Variants in ETV1 observed in about 807,000 individuals in gnomAD.
ETV1 encodes the protein ETS translocation variant 1.
ETV1 carries 27 observed loss-of-function variants against 62.3 expected under a neutral mutation model. That is an observed-to-expected ratio of 0.43 (90% confidence interval 0.32 to 0.60). ETV1 has a LOEUF of 0.60. ETV1 is among the 20% of genes least tolerant of loss of function. ETV1 has a pLI of 0.06. For synonymous variants in ETV1, 222 were observed against 199.6 expected (o/e 1.11, Z -0.94); for missense variants, 605 against 605.8 (o/e 1.00, Z 0.01).
In ETV1 at chr7:13,965,287, C is replaced by T. The variant is rs1018647031; in HGVS notation, c.235+12140G>A. Among the ~76,000 whole-genome samples the T allele has an allele frequency of 2.6e-5, 4 of 152,328 alleles. No individual in the cohort carries two copies. The South Asian group carries it at 8.3e-4, about 32-fold the overall frequency. On this transcript the variant is annotated intron_variant, in intron 6 of 13. Transcript: ENST00000430479. Reference sequence around the variant, plus strand: ...GAATAGTTCCCGAACACCATGTCCTCCCATCTATTTTTCTCACAGCTATTC... The same window carrying T: ...GAATAGTTCCCGAACACCATGTCCTTCCATCTATTTTTCTCACAGCTATTC...
chr7:13,904,022 C>G (rs777069775), intron 12 of ETV1, among the ~76,000 whole-genome samples: 2 of 152,086 alleles, frequency 1.3e-5, no homozygotes, highest in Non-Finnish European at 2.9e-5. Context: ...TCAGAGACAT[C>G]TTTCACGGAC....
chr7:13,955,090 A>G (rs1218764670), intron 6 of ETV1, among the ~76,000 whole-genome samples: 1 of 152,212 alleles, frequency 6.6e-6, no homozygotes, highest in Non-Finnish European at 1.5e-5. Context: ...GCTGGGGTAA[A>G]TCTTGCAAAA....
intron 6 of ETV1, among the ~76,000 whole-genome samples, chr7:13,971,045 C>A (rs182727987): frequency 6.6e-6 from 1 of 152,064 alleles, no homozygotes; most frequent in Non-Finnish European, 1.5e-5. Context: ...GATCTTGGCT[C>A]ACGGCAACCT....
intron 6 of ETV1, among the ~76,000 whole-genome samples, chr7:13,946,697 A>T (rs1788205858): frequency 6.6e-6 from 1 of 152,226 alleles, no homozygotes; most frequent in African/African-American, 2.4e-5. Flanking sequence ...GCTTTGGTTG[A>T]GGGTAGATAC....
chr7:13,944,379 G>A (rs957355182), intron 6 of ETV1, among the ~76,000 whole-genome samples: 3 of 152,122 alleles, frequency 2.0e-5, no homozygotes, highest in African/African-American at 4.8e-5. Flanking sequence ...CCATCTTCTC[G>A]CTGCAACTTC....
At chr7:13,942,900 A>C (rs979906499) in intron 6 of ETV1, among the ~76,000 whole-genome samples, 1 of 152,172 alleles carries the variant, frequency 6.6e-6, no homozygotes, top group African/African-American at 2.4e-5. Context: ...CTATATTTTA[A>C]GTCTTGAGTA....
At chr7:13,904,894 ATCT>A (rs1481546525) in intron 12 of ETV1, among the ~76,000 whole-genome samples, 6 of 150,456 alleles carry the variant, frequency 4.0e-5, no homozygotes, top group African/African-American at 1.5e-4. Context: ...GAAAAAACTA[ATCT>A]TCTTTGACAG....
At chr7:13,940,403 A>G (rs1458377706) in intron 6 of ETV1, among the ~76,000 whole-genome samples, 1 of 151,712 alleles carries the variant, frequency 6.6e-6, no homozygotes, top group African/African-American at 2.4e-5. Context: ...AAAAAAAGCT[A>G]TATATTTTTT....
At chr7:13,909,395 TGATG>T (rs1783325455) in intron 11 of ETV1, among the ~76,000 whole-genome samples, 5 of 152,176 alleles carry the variant, frequency 3.3e-5, no homozygotes, top group Admixed American at 1.3e-4. Context: ...TCAGCAAGAA[TGATG>T]CTCTTTGTCT....
intron 6 of ETV1, among the ~76,000 whole-genome samples, chr7:13,967,066 T>G (rs999157162): frequency 2.0e-5 from 3 of 152,184 alleles, no homozygotes; most frequent in Admixed American, 2.0e-4. Context: ...ATAAGAACTG[T>G]TATACATTAA....
At chr7:13,900,956 G>T in intron 12 of ETV1, 117 bp from the exon 13 acceptor site, 1 of 601,676 alleles carries the variant, frequency 1.7e-6, no homozygotes, top group Non-Finnish European at 2.8e-6. Context: ...AAGGATATAA[G>T]TAAAGTAGCA....
At chr7:13,903,675 A>C (rs777249811) in intron 12 of ETV1, among the ~76,000 whole-genome samples, 10 of 151,332 alleles carry the variant, frequency 6.6e-5, no homozygotes, top group Admixed American at 2.6e-4. Flanking sequence ...AGGCAGGAGA[A>C]TCACTTGAAC....
intron 9 of ETV1, among the ~76,000 whole-genome samples, chr7:13,911,936 G>C (rs1438221938): frequency 1.3e-5 from 2 of 152,108 alleles, no homozygotes; most frequent in Non-Finnish European, 2.9e-5. Context: ...TTAACCAATG[G>C]TACTTCAAAT....
At position 13,953,291 on chromosome 7, in the gene ETV1, A is replaced by G. The variant is rs1178164435; in HGVS notation, c.236-14045T>C. Among the ~76,000 whole-genome samples, 6 of 152,188 alleles carry G rather than the reference A, an allele frequency of 3.9e-5. No homozygotes were observed. The East Asian group carries it at 5.8e-4, about 15-fold the overall frequency. On this transcript the variant is annotated intron_variant, in intron 6 of 13. Transcript: ENST00000430479. The stretch of plus-strand genomic sequence containing the variant: ...AAATCCACACCTCTCAAAATTTGCT[A>G]TACTTAATAAATTACCTAATTATGA...
intron 9 of ETV1, among the ~76,000 whole-genome samples, chr7:13,916,982 A>G (rs549727433): frequency 6.6e-6 from 1 of 152,180 alleles, no homozygotes; most frequent in African/African-American, 2.4e-5. Flanking sequence ...TAAAAGTAGA[A>G]TAAGTAAATA....
chr7:13,974,365 C>T (rs983620896), intron 6 of ETV1, among the ~76,000 whole-genome samples: 58 of 152,084 alleles, frequency 3.8e-4, no homozygotes, highest in African/African-American at 1.4e-3. Flanking sequence ...GAGTTTAAAC[C>T]GAAAGGACAG....
At chr7:13,984,898 C>T (rs1782388542) in intron 5 of ETV1, among the ~76,000 whole-genome samples, 1 of 145,434 alleles carries the variant, frequency 6.9e-6, no homozygotes, top group Non-Finnish European at 1.5e-5. Context: ...CTTATCTGAG[C>T]TACAAGACAC....
At chr7:13,979,946 G>A (rs907881634) in intron 5 of ETV1, among the ~76,000 whole-genome samples, 2 of 151,934 alleles carry the variant, frequency 1.3e-5, no homozygotes, top group Non-Finnish European at 1.5e-5. Flanking sequence ...ATATGTGTGA[G>A]GAAAAAAGGG....
intron 9 of ETV1, among the ~76,000 whole-genome samples, chr7:13,921,847 G>A (rs1562618922): frequency 2.0e-5 from 3 of 152,038 alleles, no homozygotes; most frequent in Admixed American, 6.6e-5. Flanking sequence ...AACGTATACC[G>A]AATTATTAAT....
Sources: gnomAD v4.1 joint callset for allele counts (sites outside exome capture counted in the v4.1 genomes callset) on GRCh38, gnomAD v4.1.1 for gene constraint, MANE v1.5 for transcripts, NCBI Gene and HGNC (gene_info 2026-07-23, HGNC 2026-07-21) for gene names.